Variants in CNOT2 observed in about 807,000 individuals in gnomAD.
The protein encoded by CNOT2 is CCR4-NOT transcription complex subunit 2.
A neutral mutation model predicts 72.1 loss-of-function variants in CNOT2; 7 were observed. The ratio of observed to expected loss-of-function variants is 0.10; its 90% CI spans 0.06 to 0.18. The LOEUF (loss-of-function observed/expected upper bound fraction) is 0.18, where lower values mean the gene tolerates loss of function less well. CNOT2 is among the 10% of genes least tolerant of loss of function. CNOT2 has a pLI of 1.00. For missense variants in CNOT2, 345 were observed against 660.3 expected, an observed-to-expected ratio of 0.52 and a Z score of 5.23; for synonymous variants, 196 against 225.6, an observed-to-expected ratio of 0.87 and a Z score of 1.17.
At chr12:70,347,766 G>A (rs1882379475) in intron 15 of CNOT2, 3 of 152,002 alleles carry the variant, frequency 2.0e-5, no homozygotes, top group Non-Finnish European at 4.4e-5. Flanking sequence ...TCCACATACT[G>A]TATTTTGTAT....
At chr12:70,256,561 C>T (rs1439136842) in intron 1 of CNOT2, among the ~76,000 whole-genome samples, 2 of 133,298 alleles carry the variant, frequency 1.5e-5, no homozygotes, top group Admixed American at 8.6e-5. Context: ...ATGTGAGGTT[C>T]TGCTGAAGGA....
intron 1 of CNOT2, among the ~76,000 whole-genome samples, chr12:70,258,225 A>G (rs1958554660): frequency 6.6e-6 from 1 of 152,222 alleles, no homozygotes; most frequent in East Asian, 1.9e-4. Context: ...AGTAAATAGC[A>G]TCACACAATT....
intron 9 of CNOT2, chr12:70,338,171 ATT>A (rs5798975): frequency 2.1e-4 from 56 of 262,500 alleles, no homozygotes; most frequent in East Asian, 1.9e-3. Flanking sequence ...AAAGAGATAG[ATT>A]TTTTTTTTTC....
intron 3 of CNOT2, 92 bp downstream of exon 3, chr12:70,311,109 G>A (rs1222139365): frequency 3.6e-6 from 3 of 839,676 alleles, no homozygotes; most frequent in Non-Finnish European, 5.8e-6. Flanking sequence ...AATACTGTCT[G>A]TGGTTGAGTG....
At chr12:70,304,189 TC>T (rs2135930704) in intron 2 of CNOT2, among the ~76,000 whole-genome samples, 1 of 151,732 alleles carries the variant, frequency 6.6e-6, no homozygotes, top group African/African-American at 2.4e-5. Flanking sequence ...TCTGAAGCCT[TC>T]TTGTCTCAAC....
chr12:70,325,108 G>A (rs1457440565), intron 4 of CNOT2, among the ~76,000 whole-genome samples: 1 of 151,864 alleles, frequency 6.6e-6, no homozygotes, highest in Non-Finnish European at 1.5e-5. Flanking sequence ...TAGAACAAGA[G>A]AAGGGAAAGT....
In CNOT2 at chr12:70,327,697, G is replaced by A. The variant is rs1007275290; in HGVS notation, c.239-1726G>A. 7.9e-5 allele frequency: 12 copies of A among 151,982 alleles called. No homozygotes were observed. In the East Asian group the frequency reaches 2.3e-3, roughly 30 times the overall value. The allele number at this position is 151,982 out of a possible 1,614,324, so 9.4% of individuals were successfully genotyped here. ...TTCAGGACAGCATGTTTAGGGAGTA[G>A]AATGTAAGCTCCCTGAGGGTAGGGG... is the stretch of plus-strand genomic sequence containing the variant. On this transcript the variant is annotated intron_variant, in intron 4 of 15. Coordinates refer to ENST00000229195, the MANE Select transcript of CNOT2 (RefSeq NM_014515.7).
intron 5 of CNOT2, among the ~76,000 whole-genome samples, chr12:70,329,967 G>A (rs1386818696): frequency 6.6e-6 from 1 of 152,002 alleles, no homozygotes; most frequent in Non-Finnish European, 1.5e-5. Flanking sequence ...CATTTAGTAT[G>A]CAGAGGATAG....
At chr12:70,344,329 C>A in intron 14 of CNOT2, 101 bp downstream of exon 14, 1 of 690,518 alleles carries the variant, frequency 1.4e-6, no homozygotes, top group Non-Finnish European at 2.5e-6. Flanking sequence ...GGAACTATTT[C>A]TCCATCAAGA....
chr12:70,247,268 G>C (rs968339640), intron 1 of CNOT2, among the ~76,000 whole-genome samples: 3 of 151,772 alleles, frequency 2.0e-5, no homozygotes, highest in Non-Finnish European at 4.4e-5. Context: ...GGGTTCAAGC[G>C]GTTCTCCTGC....
At chr12:70,282,855 G>T (rs1319971263) in intron 2 of CNOT2, among the ~76,000 whole-genome samples, 1 of 151,416 alleles carries the variant, frequency 6.6e-6, no homozygotes, top group Non-Finnish European at 1.5e-5. Context: ...TTATTATTTT[G>T]AGTAGGAAAA....
intron 2 of CNOT2, chr12:70,285,554 T>C (rs1461848057): frequency 2.0e-5 from 3 of 151,980 alleles, no homozygotes; most frequent in Admixed American, 2.0e-4. Flanking sequence ...AGGTCTTGCG[T>C]GGAGTCTAGG....
At position 70,329,478 on chromosome 12, in the gene CNOT2, C is replaced by G. The variant is rs1255619019; in HGVS notation, c.294C>G (p.Arg98=). 1.2e-6 allele frequency: 2 copies of G among 1,611,600 alleles called. No homozygotes were observed. Among genetic ancestry groups the G allele is most frequent in the East Asian group, 4.5e-5 (2 of 44,802 alleles). ...GMSNNTPQLN[R]SLSQGTQLPS... ...GCAACAATACCCCTCAGTTAAATCGCAGCTTATCACAAGGCACTCAGTTAC... is the reference window on the plus strand; with the variant it reads ...GCAACAATACCCCTCAGTTAAATCGGAGCTTATCACAAGGCACTCAGTTAC... Residue 98 remains arginine, a synonymous_variant, in exon 5 of 16, where the codon CGC becomes CGG. Coordinates refer to ENST00000229195, the MANE Select transcript of CNOT2 (RefSeq NM_014515.7).
In CNOT2 at chr12:70,338,375, T is replaced by G; in HGVS notation, c.901-68T>G. 20 of 1,308,772 alleles carry G rather than the reference T, an allele frequency of 1.5e-5. No individual in the cohort carries two copies. The South Asian group carries it at 2.7e-4, about 18-fold the overall frequency. 81.1% of individuals were successfully genotyped at this position (1,308,772 alleles called of 1,614,324 possible). ...GTAATAAAGAATAAATAGCAAGGTA[T>G]TAATATGTGAACTTGAATTTGTATA... On this transcript the variant is annotated intron_variant, in intron 9 of 15. Transcript: ENST00000229195.
chr12:70,282,938 A>G (rs1870129770), intron 2 of CNOT2, among the ~76,000 whole-genome samples: 1 of 152,214 alleles, frequency 6.6e-6, no homozygotes, highest in African/African-American at 2.4e-5. Flanking sequence ...CACCTACTTG[A>G]TAATTCACCA....
chr12:70,347,483 AT>A (rs933688562), intron 15 of CNOT2: 3 of 152,254 alleles, frequency 2.0e-5, no homozygotes, highest in Admixed American at 2.0e-4. Flanking sequence ...ACAAAAAAAA[AT>A]TAGCTGGGCC....
At chr12:70,277,651 G>T (rs1869077989) in intron 1 of CNOT2, among the ~76,000 whole-genome samples, 1 of 152,080 alleles carries the variant, frequency 6.6e-6, no homozygotes, top group Admixed American at 6.6e-5. Flanking sequence ...TTGTTGCATG[G>T]GAATAAACCT....
In CNOT2 at chr12:70,319,291, T is replaced by C; in HGVS notation, c.172-7T>C. 1 of 1,608,518 alleles carries C rather than the reference T, an allele frequency of 6.2e-7. No homozygotes were observed. Among genetic ancestry groups the C allele is most frequent in the Non-Finnish European group, 8.5e-7 (1 of 1,176,282 alleles). ...TTTATGCTCTAATATAATTAATTTG[T>C]TTCTAGATGCTGGCATCACCATCTA... On this transcript the variant is annotated splice_region_variant and splice_polypyrimidine_tract_variant and intron_variant, in intron 3 of 15. Transcript: ENST00000229195.
At chr12:70,257,354 CTTTTTTTTTTTTT>C (rs34175539) in intron 1 of CNOT2, among the ~76,000 whole-genome samples, 3 of 128,568 alleles carry the variant, frequency 2.3e-5, no homozygotes, top group African/African-American at 8.4e-5. Flanking sequence ...CAACTACCCC[CTTTTTTTTTTTTT>C]TTTTTCTTTT....
Sources: allele counts gnomAD v4.1 joint callset (sites outside exome capture counted in the v4.1 genomes callset), GRCh38; gene constraint gnomAD v4.1.1; transcripts MANE v1.5; gene names NCBI Gene and HGNC (gene_info 2026-07-23, HGNC 2026-07-21).